The following TMEM132D variants were observed in gnomAD, a reference collection of about 807,000 sequenced individuals.
TMEM132D encodes mature OL transmembrane protein.
Under a neutral mutation model 62.3 loss-of-function variants are expected in TMEM132D, and 21 were observed. The ratio of observed to expected loss-of-function variants is 0.34; its 90% CI spans 0.24 to 0.49. The LOEUF (loss-of-function observed/expected upper bound fraction) is 0.49. TMEM132D is among the 20% of genes least tolerant of loss of function. The pLI is 0.99. For missense variants in TMEM132D, 1,346 were observed against 1,402.8 expected, an observed-to-expected ratio of 0.96 and a Z score of 0.65; for synonymous variants, 621 against 575.6, an observed-to-expected ratio of 1.08 and a Z score of -1.13.
intron 1 of TMEM132D, among the ~76,000 whole-genome samples, chr12:129,864,642 C>T (rs1022000288): frequency 5.9e-5 from 9 of 152,224 alleles, no homozygotes; most frequent in African/African-American, 1.9e-4. Context: ...GAGATGGGGA[C>T]AGACTAGTGG....
intron 2 of TMEM132D, among the ~76,000 whole-genome samples, chr12:129,567,547 A>G (rs1877401404): frequency 6.6e-6 from 1 of 152,160 alleles, no homozygotes; most frequent in Non-Finnish European, 1.5e-5. Context: ...CAATAAAAAC[A>G]TTATTGCTAC....
chr12:129,264,700 A>T (rs372492216), intron 4 of TMEM132D, among the ~76,000 whole-genome samples: 2 of 152,354 alleles, frequency 1.3e-5, no homozygotes, highest in East Asian at 3.9e-4. Context: ...GGATAAAGAA[A>T]TTGTGGTATA....
At chr12:129,229,819 A>C (rs1376736455) in intron 4 of TMEM132D, among the ~76,000 whole-genome samples, 1 of 152,192 alleles carries the variant, frequency 6.6e-6, no homozygotes, top group Non-Finnish European at 1.5e-5. Context: ...AGCAAGACTT[A>C]TTGGTGGGGC....
At chr12:129,251,274 A>C (rs1221874119) in intron 4 of TMEM132D, among the ~76,000 whole-genome samples, 1 of 150,222 alleles carries the variant, frequency 6.7e-6, no homozygotes, top group East Asian at 2.0e-4. Flanking sequence ...CAGGAGAATC[A>C]CTTGAATCCA....
intron 2 of TMEM132D, among the ~76,000 whole-genome samples, chr12:129,659,677 T>C (rs1428292711): frequency 3.3e-5 from 5 of 152,216 alleles, no homozygotes; most frequent in African/African-American, 9.6e-5. Flanking sequence ...ATATCCTTTC[T>C]GTAGAATATT....
chr12:129,356,654 C>CAATAAATA (rs200753521), intron 3 of TMEM132D, among the ~76,000 whole-genome samples: 181 of 116,070 alleles, frequency 1.6e-3, no homozygotes, highest in South Asian at 6.1e-3. Flanking sequence ...CCTGTCTCTA[C>CAATAAATA]AATAAATAAA....
At chr12:129,660,431 G>A (rs754189380) in intron 2 of TMEM132D, among the ~76,000 whole-genome samples, 1 of 152,066 alleles carries the variant, frequency 6.6e-6, no homozygotes, top group Non-Finnish European at 1.5e-5. Context: ...ACTCAAGACG[G>A]AGGTCTGATT....
At chr12:129,582,982 TG>T (rs2137128211) in intron 2 of TMEM132D, among the ~76,000 whole-genome samples, 1 of 151,968 alleles carries the variant, frequency 6.6e-6, no homozygotes, top group South Asian at 2.1e-4. Context: ...CAGGCTGGAG[TG>T]CAGTGGCACG....
At chr12:129,631,374 G>A (rs184400431) in intron 2 of TMEM132D, among the ~76,000 whole-genome samples, 3 of 152,168 alleles carry the variant, frequency 2.0e-5, no homozygotes, top group Non-Finnish European at 2.9e-5. Flanking sequence ...ACCTGCAGTC[G>A]TAAAGCCTGG....
rs533761593 is a variant in TMEM132D, at chr12:129,082,147, T to C, written c.1650-115A>G. ...AGGTAGGCCATGAGACTTCAAGGAG[T>C]TTATAGCCAGACATGCAGAGGTGAA... On this transcript the variant is annotated intron_variant, in intron 6 of 8. Transcript: ENST00000422113. 19 of 1,313,596 alleles carry C rather than the reference T, an allele frequency of 1.4e-5. No homozygotes were observed. The African/African-American group carries it at 1.5e-4, about 10-fold the overall frequency. 81.4% of individuals were successfully genotyped at this position (1,313,596 alleles called of 1,614,324 possible). A position where few individuals can be genotyped will look rare whatever the true frequency, so the allele number is the denominator to read the frequency against.
intron 3 of TMEM132D, among the ~76,000 whole-genome samples, chr12:129,513,901 G>A (rs180855618): frequency 2.0e-5 from 3 of 149,312 alleles, no homozygotes; most frequent in African/African-American, 7.4e-5. Flanking sequence ...GCAGTGGCAC[G>A]ATCTCGGCTG....
At chr12:129,258,540 A>G (rs1309238180) in intron 4 of TMEM132D, among the ~76,000 whole-genome samples, 1 of 152,194 alleles carries the variant, frequency 6.6e-6, no homozygotes, top group African/African-American at 2.4e-5. Context: ...ACTGTCCTAA[A>G]TTAATTCAAA....
intron 2 of TMEM132D, among the ~76,000 whole-genome samples, chr12:129,682,359 G>A (rs1880798808): frequency 6.6e-6 from 1 of 152,126 alleles, no homozygotes; most frequent in Admixed American, 6.5e-5. Flanking sequence ...GGCCCAGTGA[G>A]CTTCAGTGAC....
rs150421127 is a variant in TMEM132D at position 129,797,479 on chromosome 12, C to A, written c.80-96781G>T. Among the ~76,000 whole-genome samples the A allele has an allele frequency of 3.9e-5, 6 of 152,292 alleles. No homozygotes were observed. In the East Asian group the frequency reaches 1.2e-3, roughly 29 times the overall value. On this transcript the variant is annotated intron_variant, in intron 1 of 8. Transcript: ENST00000422113. ...CAGCCTTCCCACAGAGGTCACTGTG[C>A]GCATCCACCTGCAGGATGCTTCACT... is the stretch of plus-strand genomic sequence containing the variant.
At chr12:129,111,122 G>C (rs1054964995) in intron 5 of TMEM132D, 1 of 152,312 alleles carries the variant, frequency 6.6e-6, no homozygotes, top group African/African-American at 2.4e-5. Context: ...TGCATAGAAT[G>C]CCATAGTGCA....
intron 1 of TMEM132D, among the ~76,000 whole-genome samples, chr12:129,808,082 G>A (rs1009051546): frequency 6.6e-6 from 1 of 152,132 alleles, no homozygotes; most frequent in African/African-American, 2.4e-5. Context: ...TTTAGGAAAC[G>A]GTGATTTAGA....
At chr12:129,293,077 G>T (rs1199267057) in intron 4 of TMEM132D, among the ~76,000 whole-genome samples, 1 of 152,200 alleles carries the variant, frequency 6.6e-6, no homozygotes, top group Non-Finnish European at 1.5e-5. Context: ...TCCAGAGAGA[G>T]AAATTGACAG....
At chr12:129,345,107 T>G (rs1432955418) in intron 3 of TMEM132D, among the ~76,000 whole-genome samples, 1 of 152,192 alleles carries the variant, frequency 6.6e-6, no homozygotes, top group African/African-American at 2.4e-5. Flanking sequence ...AGAACCTGCT[T>G]GCTCTGGTCC....
rs35653459 is a variant in TMEM132D, at chr12:129,320,093, G to A, written c.1299+17541C>T. On this transcript the variant is annotated intron_variant, in intron 4 of 8. Transcript: ENST00000422113. ...AGGAATTGGGAGTCAATAATGCAGT[G>A]CACCTTTCCAAAAAGAGTCACAGAG... Among the ~76,000 whole-genome samples, 1,452 of 152,288 alleles carry A rather than the reference G, an allele frequency of 9.5e-3. 8 individuals carry two copies. Among genetic ancestry groups the A allele is most frequent in the Middle Eastern group, 0.034 (10 of 294 alleles).
Sources: allele counts gnomAD v4.1 joint callset (sites outside exome capture counted in the v4.1 genomes callset), GRCh38; gene constraint gnomAD v4.1.1; transcripts MANE v1.5; gene names NCBI Gene and HGNC (gene_info 2026-07-23, HGNC 2026-07-21).